The following RBMS3 variants were observed in gnomAD, a reference collection of about 807,000 sequenced individuals.
The protein encoded by RBMS3 is RNA binding motif single stranded interacting protein 3, also known as RNA-binding motif, single-stranded-interacting protein 3.
In RBMS3, 27 loss-of-function variants were observed where a neutral mutation model predicts 66.8. That is an observed-to-expected ratio of 0.40 (90% CI 0.30 to 0.56). RBMS3 has a LOEUF of 0.56. RBMS3 is among the 20% of genes least tolerant of loss of function. RBMS3 has a pLI of 0.40. For missense variants in RBMS3, 513 were observed against 549.5 expected (o/e 0.93, Z 0.66); for synonymous variants, 188 against 183.0 (o/e 1.03, Z -0.22).
rs11914818 is a variant in RBMS3, at chr3:29,790,094, C to G, written c.637+27105C>G. On this transcript the variant is annotated intron_variant, in intron 6 of 14. Transcript: ENST00000383767. ...AAGACAATCCAAACATCTGGAGATCCCTCTCCATTTTTCTTTGATGTTAAA... is the reference window on the plus strand; with the variant it reads ...AAGACAATCCAAACATCTGGAGATCGCTCTCCATTTTTCTTTGATGTTAAA... Among the ~76,000 whole-genome samples the G allele has an allele frequency of 7.4e-3, 1,122 of 152,092 alleles. 15 individuals are homozygous for G. Among genetic ancestry groups the G allele is most frequent in the Middle Eastern group, 0.044 (13 of 294 alleles).
chr3:29,642,775 G>A (rs184628598), intron 4 of RBMS3: 7 of 152,306 alleles, frequency 4.6e-5, no homozygotes, highest in Admixed American at 4.6e-4. Context: ...GAAGAAAGAA[G>A]AGCCGCCGTG....
chr3:29,318,634 A>G (rs1414856057), intron 1 of RBMS3, among the ~76,000 whole-genome samples: 7 of 151,908 alleles, frequency 4.6e-5, no homozygotes, highest in African/African-American at 1.4e-4. Context: ...GCCAAAAGTC[A>G]CAACCAATGT....
In RBMS3 at chr3:29,587,745, G is replaced by T. The variant is rs943698666; in HGVS notation, c.399+540G>T. 5.9e-5 allele frequency among the ~76,000 whole-genome samples: 9 copies of T among 151,876 alleles called. No homozygotes were observed. The East Asian group carries it at 1.7e-3, about 29-fold the overall frequency. ...GAAATGAGTTTAACTGAAGTGTACC[G>T]TGTCTGTACTGCTAGAATTTCACTT... On this transcript the variant is annotated intron_variant, in intron 4 of 14. Transcript: ENST00000383767.
intron 4 of RBMS3, among the ~76,000 whole-genome samples, chr3:29,711,597 A>T (rs13088513): frequency 1.3e-5 from 2 of 151,896 alleles, no homozygotes; most frequent in African/African-American, 2.4e-5. Flanking sequence ...GAAACTTCAG[A>T]GCCAAGCAGG....
chr3:30,007,369 C>A lies in RBMS3; in HGVS notation c.*3507C>A, dbSNP rs1699831588. ...TTAATTTTCTGTGCATTCTGGTCCA[C>A]CAGATTTTCAAGCATTTATTTGGAT... On this transcript the variant is annotated 3_prime_UTR_variant, in exon 15 of 15. Coordinates refer to ENST00000383767, the MANE Select transcript of RBMS3 (RefSeq NM_001003793.3). 1.3e-5 allele frequency: 2 copies of A among 151,820 alleles called. No individual in the cohort carries two copies. Among genetic ancestry groups the A allele is most frequent in the South Asian group, 4.2e-4 (2 of 4,818 alleles). 9.4% of individuals were successfully genotyped at this position (151,820 alleles called of 1,614,324 possible). A position where few individuals can be genotyped will look rare whatever the true frequency, so the allele number is the denominator to read the frequency against.
intron 3 of RBMS3, among the ~76,000 whole-genome samples, chr3:29,576,092 G>A (rs1343262837): frequency 6.6e-6 from 1 of 152,064 alleles, no homozygotes; most frequent in Non-Finnish European, 1.5e-5. Flanking sequence ...ACATTGAAGA[G>A]TTAGGTATTT....
intron 6 of RBMS3, among the ~76,000 whole-genome samples, chr3:29,854,865 G>C (rs2059031244): frequency 6.6e-6 from 1 of 152,078 alleles, no homozygotes; most frequent in South Asian, 2.1e-4. Flanking sequence ...GTCCAAAATA[G>C]AGCCTTTGAA....
chr3:29,603,118 C>A (rs1485227012), intron 4 of RBMS3, among the ~76,000 whole-genome samples: 1 of 152,046 alleles, frequency 6.6e-6, no homozygotes, highest in South Asian at 2.1e-4. Context: ...GTTACCACTC[C>A]CACTGTATAT....
Position 29,559,365 on chromosome 3 carries a change from T to C in RBMS3, c.308-27749T>C, listed in dbSNP as rs368026560. On this transcript the variant is annotated intron_variant, in intron 3 of 14. Coordinates refer to ENST00000383767, the MANE Select transcript of RBMS3 (RefSeq NM_001003793.3). ...ATAAAAGCATTCATCACCTTCTTTG[T>C]CTTTCATTAAAAACTAACTATTCTA... Among the ~76,000 whole-genome samples, 3 of 151,710 alleles carry C rather than the reference T, an allele frequency of 2.0e-5. No homozygotes were observed. The East Asian group carries it at 5.8e-4, about 29-fold the overall frequency.
intron 4 of RBMS3, among the ~76,000 whole-genome samples, chr3:29,739,369 T>G (rs1454047583): frequency 4.1e-5 from 6 of 145,592 alleles, no homozygotes; most frequent in Non-Finnish European, 8.9e-5. Flanking sequence ...AGCAGGAGAA[T>G]GGCGTGAACC....
chr3:29,473,220 C>T (rs991532574), intron 2 of RBMS3, among the ~76,000 whole-genome samples: 1 of 152,078 alleles, frequency 6.6e-6, no homozygotes, highest in African/African-American at 2.4e-5. Flanking sequence ...CATTCACAAA[C>T]CCTGAGCTAG....
At chr3:29,449,623 T>C (rs1192911897) in intron 2 of RBMS3, among the ~76,000 whole-genome samples, 1 of 152,228 alleles carries the variant, frequency 6.6e-6, no homozygotes, top group East Asian at 1.9e-4. Context: ...TTAAGCAATG[T>C]TAATTAAACA....
chr3:29,791,716 T>C lies in RBMS3; in HGVS notation c.637+28727T>C, dbSNP rs1576815948. Among the ~76,000 whole-genome samples the C allele has an allele frequency of 4.6e-5, 7 of 152,306 alleles. No individual in the cohort carries two copies. In the South Asian group the frequency reaches 1.4e-3, roughly 32 times the overall value. ...ACTAGGAAAACCAAGACAGGACCTC[T>C]TCCTCTTGTAGAACATCCTGACAGC... On this transcript the variant is annotated intron_variant, in intron 6 of 14. Transcript: ENST00000383767.
intron 8 of RBMS3, among the ~76,000 whole-genome samples, chr3:29,888,575 A>G (rs2059926990): frequency 6.6e-6 from 1 of 151,688 alleles, no homozygotes; most frequent in South Asian, 2.1e-4. Context: ...TCCCAAGTCT[A>G]TACTTCAAGT....
At chr3:29,990,984 C>G (rs1343012708) in intron 13 of RBMS3, 98 bp from the exon 14 acceptor site, 1 of 1,206,638 alleles carries the variant, frequency 8.3e-7, no homozygotes, top group Non-Finnish European at 1.2e-6. Context: ...GAGGGTATCT[C>G]TACTTAAGCC....
chr3:29,756,558 C>T (rs1449496694), intron 5 of RBMS3, among the ~76,000 whole-genome samples: 2 of 151,944 alleles, frequency 1.3e-5, no homozygotes, highest in Non-Finnish European at 2.9e-5. Flanking sequence ...ATCATGAGAA[C>T]AGCACAGAAA....
chr3:29,951,854 T>C (rs1695701033), intron 12 of RBMS3, among the ~76,000 whole-genome samples: 1 of 151,708 alleles, frequency 6.6e-6, no homozygotes, highest in Non-Finnish European at 1.5e-5. Context: ...ATGTTCATAA[T>C]GCACAGTGAA....
intron 6 of RBMS3, among the ~76,000 whole-genome samples, chr3:29,831,135 A>AT (rs774538829): frequency 3.9e-5 from 6 of 152,292 alleles, no homozygotes; most frequent in Non-Finnish European, 5.9e-5. Flanking sequence ...CTCAGGGTGG[A>AT]TTTTAAACAA....
chr3:29,353,102 T>A (rs2037018344), intron 1 of RBMS3, among the ~76,000 whole-genome samples: 1 of 151,976 alleles, frequency 6.6e-6, no homozygotes, highest in Non-Finnish European at 1.5e-5. Flanking sequence ...AATTTGATAT[T>A]CTTGGGTTTT....
Sources: allele counts gnomAD v4.1 joint callset (sites outside exome capture counted in the v4.1 genomes callset), GRCh38; gene constraint gnomAD v4.1.1; transcripts MANE v1.5; gene names NCBI Gene and HGNC (gene_info 2026-07-23, HGNC 2026-07-21).